LAMA5: variants seen among roughly 807,000 people sequenced by gnomAD.
The protein encoded by LAMA5 is laminin subunit alpha-5.
Under a neutral mutation model 433.4 loss-of-function variants are expected in LAMA5, and 260 were observed. That is an observed-to-expected ratio of 0.60 (90% confidence interval 0.54 to 0.66). The LOEUF (loss-of-function observed/expected upper bound fraction) is 0.66. Among genes scored for constraint, LAMA5 ranks in the 30% least tolerant of loss-of-function variants. The pLI is 0.00. For missense variants in LAMA5, 5,378 were observed against 5,258.5 expected (o/e 1.02, Z -0.70); for synonymous variants, 2,620 against 2,226.6 (o/e 1.18, Z -4.97).
chr20:62,315,308 C>T, intron 58 of LAMA5, 101 bp from the exon 59 acceptor site: 1 of 1,035,000 alleles, frequency 9.7e-7, no homozygotes, highest in Non-Finnish European at 1.4e-6. Context: ...GACATCCAAC[C>T]CCCTATGGAT....
At chr20:62,357,342 C>A (rs575784822) in intron 2 of LAMA5, among the ~76,000 whole-genome samples, 1 of 152,176 alleles carries the variant, frequency 6.6e-6, no homozygotes, top group African/African-American at 2.4e-5. Context: ...CCCAGGCGTC[C>A]GGGCCAGCAC....
intron 79 of LAMA5, 91 bp downstream of exon 79, chr20:62,309,625 A>AG (rs1491244168): frequency 4.6e-5 from 17 of 371,484 alleles, no homozygotes; most frequent in Admixed American, 2.0e-4. Flanking sequence ...GGGAGGGGGC[A>AG]GGGGGTGGAG....
At position 62,311,565 on chromosome 20, in the gene LAMA5, CT is replaced by C. The variant is rs370394970; in HGVS notation, c.9807-30del. 8 of 1,609,728 alleles carry C rather than the reference CT, an allele frequency of 5.0e-6. No homozygotes were observed. In the African/African-American group the frequency reaches 9.3e-5, roughly 19 times the overall value. Reference sequence around the variant, plus strand: ...TGCAGGGCGGGCAGGCGGTCAGCAGCTGCGGAAGGCCAGCTGGGACCTTGTC... The same window carrying C: ...TGCAGGGCGGGCAGGCGGTCAGCAGCGCGGAAGGCCAGCTGGGACCTTGTC... On this transcript the variant is annotated intron_variant, in intron 71 of 79. Coordinates refer to ENST00000252999, the MANE Select transcript of LAMA5 (RefSeq NM_005560.6).
At chr20:62,328,580 GCT>G in intron 34 of LAMA5, 135 bp from the exon 35 acceptor site, 1 of 966,438 alleles carries the variant, frequency 1.0e-6, no homozygotes, top group African/African-American at 1.6e-5. Flanking sequence ...TGCCCCGGGT[GCT>G]GAGCCTTGGA....
At position 62,324,318 on chromosome 20, in the gene LAMA5, C is replaced by G; in HGVS notation, c.5644-114G>C. ...CTGTGCCCAAGGCCAGATGGTCCCC[C>G]ACTGGGCAACACCCTTCCCCAGACC... On this transcript the variant is annotated intron_variant, in intron 42 of 79. Transcript: ENST00000252999. This position sits in a 1 kb window ranked among gnomAD's most constrained non-coding sequence, Gnocchi z 4.4. 7.0e-7 allele frequency: 1 copy of G among 1,436,552 alleles called. No homozygotes were observed. Among genetic ancestry groups the G allele is most frequent in the East Asian group, 2.4e-5 (1 of 41,542 alleles). The allele number at this position is 1,436,552 out of a possible 1,614,324, so 89.0% of individuals were successfully genotyped here.
intron 1 of LAMA5, among the ~76,000 whole-genome samples, chr20:62,365,735 T>TG (rs1005918885): frequency 3.9e-5 from 6 of 152,248 alleles, no homozygotes; most frequent in South Asian, 2.1e-4. Context: ...CTGTTCTGGC[T>TG]GGGGGGCTCC....
At position 62,318,835 on chromosome 20, in the gene LAMA5, C is replaced by A. The variant is rs772265827; in HGVS notation, c.7042+8G>T. On this transcript the variant is annotated splice_region_variant and intron_variant, in intron 52 of 79. Transcript: ENST00000252999. ...CCCACCCCGCCTGCCAGGGACAACA[C>A]CACTCACATCTCTGTGCTGCAGCCA... 9 of 1,609,994 alleles carry A rather than the reference C, an allele frequency of 5.6e-6. No individual in the cohort carries two copies. The Admixed American group carries it at 1.5e-4, about 27-fold the overall frequency.
intron 16 of LAMA5, among the ~76,000 whole-genome samples, chr20:62,337,313 C>T (rs1275046206): frequency 1.3e-5 from 2 of 152,216 alleles, no homozygotes; most frequent in Non-Finnish European, 2.9e-5. Flanking sequence ...CACACACCCA[C>T]ACAAGCAACA....
Position 62,366,956 on chromosome 20 carries a change from G to T in LAMA5, c.290C>A (p.Thr97Asn), listed in dbSNP as rs1986800673. 1.6e-6 allele frequency: 2 copies of T among 1,272,602 alleles called. No homozygotes were observed. Among genetic ancestry groups the T allele is most frequent in the Non-Finnish European group, 2.0e-6 (2 of 1,010,606 alleles). The allele number at this position is 1,272,602 out of a possible 1,614,324, so 78.8% of individuals were successfully genotyped here. Residue 97 changes from threonine (T) to asparagine (N), a missense_variant, in exon 1 of 80, where the codon ACC becomes AAC. Coordinates refer to ENST00000252999, the MANE Select transcript of LAMA5 (RefSeq NM_005560.6). Reference sequence around the variant, plus strand: ...GCCCGCCCCTGCGCTCACCCGGATGGTCTGGTTGGGGTCGCCGCCGGCCAC... The same window carrying T: ...GCCCGCCCCTGCGCTCACCCGGATGTTCTGGTTGGGGTCGCCGCCGGCCAC... The part of the protein sequence containing the change: ...GPVAGGDPNQ[T>N]IRGQYCDICT...
In LAMA5 at chr20:62,329,004, G is replaced by A. The variant is rs762305703; in HGVS notation, c.4287C>T (p.Leu1429=). The A allele has an allele frequency of 3.1e-6, 5 of 1,612,640 alleles. No homozygotes were observed. In the East Asian group the frequency reaches 1.1e-4, roughly 36 times the overall value. The change falls in exon 34 of 80, where the codon CTC becomes CTT. Residue 1429 remains leucine, a synonymous_variant. Transcript: ENST00000252999. The stretch of plus-strand genomic sequence containing the variant: ...ATGGACGGGCTCCGTTGTTATAGAA[G>A]AGGGAGAGGGAAGCAGCAGCGTTTC... ...FCRNAAASLS[L]FYNNGARPCG...
At position 62,338,260 on chromosome 20, in the gene LAMA5, G is replaced by T. The variant is rs370141221; in HGVS notation, c.1728C>A (p.Pro576=). The T allele has an allele frequency of 6.2e-7, 1 of 1,600,038 alleles. No individual in the cohort carries two copies. The highest frequency in any genetic ancestry group is 1.3e-5 in the African/African-American group (1 of 74,802). The change falls in exon 13 of 80, where the codon CCC becomes CCA. Residue 576 remains proline, a synonymous_variant. Coordinates refer to ENST00000252999, the MANE Select transcript of LAMA5 (RefSeq NM_005560.6). ...FEGATCDRCA[P]GYFHFPLCQL... ...GGCAGAGAGGGAAGTGAAAGTAGCC[G>T]GGGGCACAGCGATCACATGTGGCCC...
chr20:62,346,381 G>T, intron 9 of LAMA5, 125 bp downstream of exon 9: 1 of 1,356,356 alleles, frequency 7.4e-7, no homozygotes, highest in Non-Finnish European at 1.0e-6. Flanking sequence ...TGGCCTGGGA[G>T]GCTCCTTCCT....
At position 62,329,271 on chromosome 20, in the gene LAMA5, G is replaced by A; in HGVS notation, c.4120-18C>T. 6.3e-7 allele frequency: 1 copy of A among 1,578,514 alleles called. No individual in the cohort carries two copies. The highest frequency in any genetic ancestry group is 2.2e-5 in the East Asian group (1 of 44,568). On this transcript the variant is annotated intron_variant, in intron 32 of 79. Coordinates refer to ENST00000252999, the MANE Select transcript of LAMA5 (RefSeq NM_005560.6). The stretch of plus-strand genomic sequence containing the variant: ...ACATAATCCTAGGGGGTGAGGCCTG[G>A]TCACTCTCCCGCGGGCCCAGAGCCT...
In LAMA5 at chr20:62,310,059, C is replaced by G; in HGVS notation, c.10757G>C (p.Gly3586Ala). ...CACTGACGTGGAGAACTCCCCTGCT[C>G]CGTCATCCGCCCGCAGCAGGACCTG... ...EKQVLLRADD[G>A]AGEFSTSVTR... is the part of the protein sequence containing the mutation. Residue 3586 changes from glycine (G) to alanine (A), a missense_variant, in exon 78 of 80, where the codon GGA becomes GCA. Physicochemically the swap from Gly to Ala is moderately conservative, Grantham distance 60. Coordinates refer to ENST00000252999, the MANE Select transcript of LAMA5 (RefSeq NM_005560.6). 1 of 1,611,396 alleles carries G rather than the reference C, an allele frequency of 6.2e-7. No homozygotes were observed. Among genetic ancestry groups the G allele is most frequent in the Non-Finnish European group, 8.5e-7 (1 of 1,179,750 alleles).
intron 1 of LAMA5, among the ~76,000 whole-genome samples, chr20:62,364,826 A>G (rs1986543811): frequency 6.6e-6 from 1 of 152,226 alleles, no homozygotes. Context: ...GGTCCCTGAG[A>G]GCCCCTGGCC....
chr20:62,320,797 G>A lies in LAMA5; in HGVS notation c.6590C>T (p.Ala2197Val). 6.2e-7 allele frequency: 1 copy of A among 1,612,660 alleles called. No individual in the cohort carries two copies. Among genetic ancestry groups the A allele is most frequent in the Non-Finnish European group, 8.5e-7 (1 of 1,179,910 alleles). ...AIHEQLRGIN[A>V]SSMAWARLHR... is the part of the protein sequence containing the mutation. ...CAGACGGGCCCAGGCCATGGAGCTG[G>A]CATTGATGCCACGCAGTTGCTCGTG... Residue 2197 changes from alanine to valine, a missense_variant, in exon 49 of 80, where the codon GCC (alanine) becomes GTC (valine). By Grantham distance (64) the Ala-to-Val change is moderately conservative. Coordinates refer to ENST00000252999, the MANE Select transcript of LAMA5 (RefSeq NM_005560.6).
rs753457521 is a variant in LAMA5 at position 62,309,777 on chromosome 20, C to A, written c.10887G>T (p.Val3629=). 2 of 1,607,708 alleles carry A rather than the reference C, an allele frequency of 1.2e-6. No homozygotes were observed. Among genetic ancestry groups the A allele is most frequent in the South Asian group, 1.1e-5 (1 of 90,670 alleles). ...LEVDAQSNHT[V]GPLLAAAAGA... is the part of the protein sequence containing the mutation. The stretch of plus-strand genomic sequence containing the variant: ...CAGCTGCAGCCGCCAGCAAGGGGCC[C>A]ACGGTGTGGTTGCTCTGCGCGTCCA... Residue 3629 remains valine (V), a synonymous_variant, in exon 79 of 80, where the codon GTG becomes GTT. Coordinates refer to ENST00000252999, the MANE Select transcript of LAMA5 (RefSeq NM_005560.6).
Position 62,311,409 on chromosome 20 carries a change from C to T in LAMA5, c.9934G>A (p.Ala3312Thr), listed in dbSNP as rs774270130. ...ACCCCTGGGGTGCCCACCTTCCGGG[C>T]GGTGGCCTGCAGTCCTCTAGGCCCC... Reference protein sequence around the residue: ...GLGPRGLQATARKASRRSRQP... With the variant: ...GLGPRGLQATTRKASRRSRQP... Residue 3312 changes from alanine (A) to threonine (T), a missense_variant, in exon 72 of 80, where the codon GCC becomes ACC. Transcript: ENST00000252999. 1.0e-5 allele frequency: 16 copies of T among 1,564,620 alleles called. No homozygotes were observed. The highest frequency in any genetic ancestry group is 2.3e-5 in the East Asian group (1 of 42,742).
Position 62,359,160 on chromosome 20 carries a change from C to T in LAMA5, c.450+3240G>A, listed in dbSNP as rs1331900791. Among the ~76,000 whole-genome samples, 1 of 152,178 alleles carries T rather than the reference C, an allele frequency of 6.6e-6. No homozygotes were observed. The highest frequency in any genetic ancestry group is 1.5e-5 in the Non-Finnish European group (1 of 68,026). ...TCTACAGAGAACAAAGCAGGGGCCTCCCTACCGGAAGGGGGCCCGTGCGTC... is the reference window on the plus strand; with the variant it reads ...TCTACAGAGAACAAAGCAGGGGCCTTCCTACCGGAAGGGGGCCCGTGCGTC... On this transcript the variant is annotated intron_variant, in intron 2 of 79. Coordinates refer to ENST00000252999, the MANE Select transcript of LAMA5 (RefSeq NM_005560.6). This position sits in a 1 kb window ranked among gnomAD's most constrained non-coding sequence, Gnocchi z 4.3.
Sources: gnomAD v4.1 joint callset for allele counts (sites outside exome capture counted in the v4.1 genomes callset) on GRCh38, gnomAD v4.1.1 for gene constraint, Gnocchi (gnomAD v3.1) non-coding constraint, MANE v1.5 for transcripts, NCBI Gene and HGNC (gene_info 2026-07-23, HGNC 2026-07-21) for gene names.